The following MYO16 variants were observed in gnomAD, a reference collection of about 807,000 sequenced individuals.
MYO16 encodes unconventional myosin-XVI.
MYO16 carries 94 observed loss-of-function variants against 205.3 expected under a neutral mutation model. The observed-to-expected ratio is 0.46, with a 90% CI of 0.39 to 0.54. The LOEUF is 0.54. MYO16 is among the 20% of genes least tolerant of loss of function. The pLI is 0.00. For missense variants in MYO16, 2,315 were observed against 2,387.5 expected, an observed-to-expected ratio of 0.97 and a Z score of 0.63; for synonymous variants, 988 against 954.0, an observed-to-expected ratio of 1.04 and a Z score of -0.66.
At chr13:109,097,172 T>C (rs2139703022) in intron 27 of MYO16, among the ~76,000 whole-genome samples, 1 of 152,238 alleles carries the variant, frequency 6.6e-6, no homozygotes, top group South Asian at 2.1e-4. Context: ...CTACTAAAAA[T>C]ACAGAAATTA....
chr13:109,107,832 T>TATTATATTAC (rs1889164874), intron 28 of MYO16, among the ~76,000 whole-genome samples: 1 of 148,294 alleles, frequency 6.7e-6, no homozygotes, highest in African/African-American at 2.5e-5. Flanking sequence ...TATTATATTA[T>TATTATATTAC]ATTATATTAT....
chr13:108,955,196 G>C (rs954039882), intron 16 of MYO16, among the ~76,000 whole-genome samples: 1 of 152,188 alleles, frequency 6.6e-6, no homozygotes, highest in African/African-American at 2.4e-5. Context: ...TAGAAAGTCA[G>C]GTCATTTCTG....
At chr13:108,905,367 G>T (rs9559441) in intron 15 of MYO16, among the ~76,000 whole-genome samples, 47,659 of 152,042 alleles carry the variant, frequency 0.31, 7,986 homozygotes, top group Non-Finnish European at 0.37. Context: ...GGTTTAATCG[G>T]GCTGCCTCTG....
At chr13:109,082,524 A>C (rs1033395352) in intron 27 of MYO16, among the ~76,000 whole-genome samples, 2 of 152,200 alleles carry the variant, frequency 1.3e-5, no homozygotes, top group African/African-American at 4.8e-5. Flanking sequence ...GATGCCCTTC[A>C]CTGAGATAAA....
chr13:108,522,766 T>TTGTGTG, the MYO16 span, among the ~76,000 whole-genome samples: 392 of 149,750 alleles, frequency 2.6e-3, 3 homozygotes, highest in African/African-American at 7.8e-3. Flanking sequence ...GTGTGTGTGT[T>TTGTGTG]TGTGTGTGTG....
chr13:108,848,230 T>C (rs1877627339), intron 10 of MYO16, among the ~76,000 whole-genome samples: 1 of 152,208 alleles, frequency 6.6e-6, no homozygotes, highest in African/African-American at 2.4e-5. Flanking sequence ...GCCAGAGCAG[T>C]AGTCTTCTAC....
At chr13:108,550,791 T>C in the MYO16 span, among the ~76,000 whole-genome samples, 1 of 152,246 alleles carries the variant, frequency 6.6e-6, no homozygotes, top group African/African-American at 2.4e-5. Context: ...ACTGAATTAT[T>C]GCATTTGGGA....
intron 4 of MYO16, among the ~76,000 whole-genome samples, chr13:108,760,616 G>C (rs1451361174): frequency 6.6e-6 from 1 of 151,956 alleles, no homozygotes; most frequent in Non-Finnish European, 1.5e-5. Flanking sequence ...AGTTTTTAAA[G>C]TCCTTTAGCC....
At chr13:108,591,091 G>A in the MYO16 span, among the ~76,000 whole-genome samples, 2 of 152,104 alleles carry the variant, frequency 1.3e-5, no homozygotes, top group African/African-American at 4.8e-5. Context: ...CAGCTCTGTA[G>A]GCCCTTGTGG....
At chr13:108,518,141 A>C in the MYO16 span, among the ~76,000 whole-genome samples, 1 of 152,206 alleles carries the variant, frequency 6.6e-6, no homozygotes, top group Non-Finnish European at 1.5e-5. Context: ...ATAATGTGAA[A>C]AGTTTATCCT....
chr13:108,559,477 T>C, the MYO16 span, among the ~76,000 whole-genome samples: 33 of 137,186 alleles, frequency 2.4e-4, no homozygotes, highest in African/African-American at 8.4e-4. Flanking sequence ...TTTCTTTTTT[T>C]TTTTTTTTTT....
At chr13:109,151,339 T>C (rs1877651111) in intron 32 of MYO16, among the ~76,000 whole-genome samples, 1 of 152,222 alleles carries the variant, frequency 6.6e-6, no homozygotes, top group Admixed American at 6.5e-5. Flanking sequence ...ACCCTGTACA[T>C]GGGCAATTAG....
the MYO16 span, among the ~76,000 whole-genome samples, chr13:108,524,647 A>T: frequency 3.3e-5 from 5 of 152,182 alleles, no homozygotes; most frequent in African/African-American, 4.8e-5. Flanking sequence ...TTGTGCCATG[A>T]TCCTCTTTGA....
At chr13:108,689,071 G>A (rs1882793028) in intron 2 of MYO16, among the ~76,000 whole-genome samples, 2 of 152,150 alleles carry the variant, frequency 1.3e-5, no homozygotes, top group African/African-American at 4.8e-5. Context: ...TTACAAGGAA[G>A]AAGAGATGAT....
chr13:108,544,066 C>CAAAA, the MYO16 span, among the ~76,000 whole-genome samples: 2 of 51,358 alleles, frequency 3.9e-5, no homozygotes, highest in Non-Finnish European at 8.1e-5. Context: ...ACTCCGTCTC[C>CAAAA]AAAAAAAAAA....
chr13:108,714,298 A>G (rs1293882455), intron 3 of MYO16, among the ~76,000 whole-genome samples: 6 of 151,954 alleles, frequency 3.9e-5, no homozygotes, highest in Non-Finnish European at 8.8e-5. Flanking sequence ...CTCGTGATCC[A>G]CCCGCCTTGG....
chr13:109,163,682 A>G (rs1778571974), intron 32 of MYO16, among the ~76,000 whole-genome samples: 1 of 152,094 alleles, frequency 6.6e-6, no homozygotes, highest in Non-Finnish European at 1.5e-5. Context: ...ACATAATCCA[A>G]TTTGTCTTTT....
chr13:109,022,771 T>C (rs1366886182), intron 23 of MYO16, among the ~76,000 whole-genome samples: 1 of 136,774 alleles, frequency 7.3e-6, no homozygotes, highest in East Asian at 2.1e-4. Flanking sequence ...TATATATTTA[T>C]ATATTATATA....
intron 9 of MYO16, among the ~76,000 whole-genome samples, chr13:108,833,537 G>C (rs1876733747): frequency 6.6e-6 from 1 of 152,020 alleles, no homozygotes; most frequent in Non-Finnish European, 1.5e-5. Context: ...GTTTCTGTTA[G>C]TTTTTGTTGT....
Sources: gnomAD v4.1 joint callset for allele counts (sites outside exome capture counted in the v4.1 genomes callset) on GRCh38, gnomAD v4.1.1 for gene constraint, MANE v1.5 for transcripts, NCBI Gene and HGNC (gene_info 2026-07-23, HGNC 2026-07-21) for gene names.